The following KCNH8 variants were observed in gnomAD, a reference collection of about 807,000 sequenced individuals.
KCNH8 encodes potassium voltage-gated channel subfamily H member 8, also known as voltage-gated delayed rectifier potassium channel KCNH8.
A neutral mutation model predicts 103.6 loss-of-function variants in KCNH8; 70 were observed. The ratio of observed to expected loss-of-function variants is 0.68; its 90% CI spans 0.56 to 0.82. KCNH8 has a LOEUF of 0.82. Ranked by LOEUF, KCNH8 falls within the 40% of genes least tolerant of loss-of-function variation. The probability of loss-of-function intolerance (pLI) is 0.00; values close to 1 mark genes in which losing one functional copy is unlikely to be tolerated. For missense variants in KCNH8, 1,217 were observed against 1,329.9 expected, an observed-to-expected ratio of 0.92 and a Z score of 1.32; for synonymous variants, 498 against 489.4, an observed-to-expected ratio of 1.02 and a Z score of -0.23.
chr3:19,172,405 A>T (rs113011767), intron 1 of KCNH8, among the ~76,000 whole-genome samples: 68 of 136,338 alleles, frequency 5.0e-4, no homozygotes, highest in African/African-American at 2.4e-3. Context: ...CAGTAGATAT[A>T]AAAAAAAGTT....
At chr3:19,154,568 T>C (rs1310790849) in intron 1 of KCNH8, among the ~76,000 whole-genome samples, 1 of 152,220 alleles carries the variant, frequency 6.6e-6, no homozygotes, top group Non-Finnish European at 1.5e-5. Context: ...TTACTATCTC[T>C]TCTAATAATG....
At chr3:19,498,847 G>A (rs1220906548) in intron 11 of KCNH8, among the ~76,000 whole-genome samples, 7 of 151,838 alleles carry the variant, frequency 4.6e-5, no homozygotes, top group African/African-American at 1.7e-4. Context: ...GCCGTATGAG[G>A]TGTCAGTCTG....
intron 3 of KCNH8, among the ~76,000 whole-genome samples, chr3:19,302,023 G>T (rs998241151): frequency 6.6e-6 from 1 of 152,094 alleles, no homozygotes; most frequent in Non-Finnish European, 1.5e-5. Context: ...CAACCCAGAA[G>T]GTCTCCAAAC....
rs189988492 is a variant in KCNH8, at chr3:19,230,378, A to G, written c.77-23276A>G. The stretch of plus-strand genomic sequence containing the variant: ...TCCAACCACTCACTTTTTGGTGGTT[A>G]TCTAAATTTTACAGTTGCAAACAGT... On this transcript the variant is annotated intron_variant, in intron 1 of 15. Transcript: ENST00000328405. Among the ~76,000 whole-genome samples, 51 of 152,330 alleles carry G rather than the reference A, an allele frequency of 3.3e-4. 1 individual carries two copies. Among genetic ancestry groups the G allele is most frequent in the Admixed American group, 2.6e-3 (40 of 15,298 alleles).
intron 3 of KCNH8, among the ~76,000 whole-genome samples, chr3:19,340,977 G>A (rs964357001): frequency 2.0e-5 from 3 of 152,170 alleles, no homozygotes; most frequent in Middle Eastern, 6.3e-3. Flanking sequence ...ACACTTGGAA[G>A]TGGGCCAAGC....
In KCNH8 at chr3:19,328,702, A is replaced by C. The variant is rs773930965; in HGVS notation, c.443-13885A>C. Among the ~76,000 whole-genome samples the C allele has an allele frequency of 4.6e-5, 7 of 152,194 alleles. 1 individual carries two copies. Among genetic ancestry groups the C allele is most frequent in the Non-Finnish European group, 1.0e-4 (7 of 68,028 alleles). On this transcript the variant is annotated intron_variant, in intron 3 of 15. Coordinates refer to ENST00000328405, the MANE Select transcript of KCNH8 (RefSeq NM_144633.3). ...CAATTTTTGAAAAGAAAAAATTGAG[A>C]AAAACACATTATCTTTCTTGATTCA...
intron 3 of KCNH8, among the ~76,000 whole-genome samples, chr3:19,329,017 T>C (rs1216072591): frequency 2.6e-5 from 4 of 152,208 alleles, no homozygotes; most frequent in Non-Finnish European, 5.9e-5. Flanking sequence ...TTGTTTGGTC[T>C]TTCTGTTTCT....
In KCNH8 at chr3:19,342,594, C is replaced by G; in HGVS notation, c.450C>G (p.Val150=). ...AGTTTTATTTTCCCCCAGACAAAGT[C>G]AAAGGAAGATCAAGAGCAGGGACCC... The part of the protein sequence containing the change: ...ITPEDKKEDK[V]KGRSRAGTHF... Residue 150 remains valine, a synonymous_variant, in exon 4 of 16, where the codon GTC becomes GTG. Coordinates refer to ENST00000328405, the MANE Select transcript of KCNH8 (RefSeq NM_144633.3). The G allele has an allele frequency of 6.2e-7, 1 of 1,609,644 alleles. No homozygotes were observed. The highest frequency in any genetic ancestry group is 8.5e-7 in the Non-Finnish European group (1 of 1,177,150).
At chr3:19,314,013 C>T (rs2065240976) in intron 3 of KCNH8, among the ~76,000 whole-genome samples, 3 of 151,696 alleles carry the variant, frequency 2.0e-5, no homozygotes, top group Non-Finnish European at 4.4e-5. Flanking sequence ...ACGTTCTCCC[C>T]CCACCCCTTT....
chr3:19,272,316 C>A (rs865960024), intron 2 of KCNH8, among the ~76,000 whole-genome samples: 1 of 151,964 alleles, frequency 6.6e-6, no homozygotes, highest in African/African-American at 2.4e-5. Context: ...AGATGATATT[C>A]TGCCAAAAAT....
intron 1 of KCNH8, among the ~76,000 whole-genome samples, chr3:19,162,426 G>T (rs141997926): frequency 0.011 from 1,599 of 151,324 alleles, 13 homozygotes; most frequent in Non-Finnish European, 0.016. Context: ...GGAATCACTT[G>T]ATCCTGGGAG....
At chr3:19,161,025 AAT>A (rs1488524002) in intron 1 of KCNH8, among the ~76,000 whole-genome samples, 1 of 152,144 alleles carries the variant, frequency 6.6e-6, no homozygotes, top group Non-Finnish European at 1.5e-5. Context: ...AAGAGGAAAA[AAT>A]ATGCTGAGGT....
chr3:19,519,181 A>T (rs1191910396), intron 15 of KCNH8, among the ~76,000 whole-genome samples: 6 of 151,914 alleles, frequency 3.9e-5, no homozygotes, highest in Admixed American at 6.6e-5. Context: ...TATGCAGCAA[A>T]ACCTGTGCCT....
At chr3:19,531,814 C>T (rs2069166104) in intron 15 of KCNH8, among the ~76,000 whole-genome samples, 1 of 152,106 alleles carries the variant, frequency 6.6e-6, no homozygotes, top group South Asian at 2.1e-4. Context: ...ATCTTCAGTT[C>T]AATGAAGTTG....
chr3:19,378,174 C>T (rs577132721), intron 5 of KCNH8, among the ~76,000 whole-genome samples: 13 of 151,984 alleles, frequency 8.6e-5, no homozygotes, highest in Non-Finnish European at 1.2e-4. Context: ...AGCAAAAGCG[C>T]GTGGAAAAGC....
chr3:19,459,445 A>G (rs1000644957), intron 11 of KCNH8, among the ~76,000 whole-genome samples: 2 of 151,550 alleles, frequency 1.3e-5, no homozygotes, highest in Non-Finnish European at 2.9e-5. Flanking sequence ...CTTGTTATTG[A>G]GTTGTTTATG....
Position 19,438,237 on chromosome 3 carries a change from C to G in KCNH8, c.1251C>G (p.Ile417Met), listed in dbSNP as rs747409651. 1.2e-6 allele frequency: 2 copies of G among 1,614,114 alleles called. No homozygotes were observed. The highest frequency in any genetic ancestry group is 3.3e-5 in the Admixed American group (2 of 59,994). ...ACAATACCTTGGGGGGCCCGTCGAT[C>G]CGAAGTGCCTATATTGCCGCTCTGT... is the stretch of plus-strand genomic sequence containing the variant. Reference protein sequence around the residue: ...YGNNTLGGPSIRSAYIAALYF... With the variant: ...YGNNTLGGPSMRSAYIAALYF... The change falls in exon 8 of 16, where the codon ATC becomes ATG. Residue 417 changes from isoleucine to methionine, a missense_variant. By Grantham distance (10) the Ile-to-Met change is conservative. Transcript: ENST00000328405.
At chr3:19,207,158 T>C (rs1348078790) in intron 1 of KCNH8, among the ~76,000 whole-genome samples, 4 of 151,824 alleles carry the variant, frequency 2.6e-5, no homozygotes, top group Admixed American at 6.6e-5. Context: ...GGAACATAAA[T>C]AGAAGAGTAT....
At chr3:19,297,050 CA>C (rs1200012159) in intron 3 of KCNH8, among the ~76,000 whole-genome samples, 5 of 151,936 alleles carry the variant, frequency 3.3e-5, no homozygotes, top group African/African-American at 9.7e-5. Context: ...TGAAAGCAAA[CA>C]CATTAGAGTA....
Sources: gnomAD v4.1 joint callset for allele counts (sites outside exome capture counted in the v4.1 genomes callset) on GRCh38, gnomAD v4.1.1 for gene constraint, MANE v1.5 for transcripts, NCBI Gene and HGNC (gene_info 2026-07-23, HGNC 2026-07-21) for gene names.